TFDP2: variants seen among roughly 807,000 people sequenced by gnomAD.
TFDP2 encodes the protein transcription factor Dp-2 (E2F dimerization partner 2).
In TFDP2, 17 loss-of-function variants were observed where a neutral mutation model predicts 59.3. That is an observed-to-expected ratio of 0.29 (90% confidence interval 0.20 to 0.43). The LOEUF is 0.43. Among genes scored for constraint, TFDP2 ranks in the 20% least tolerant of loss-of-function variants. The pLI is 1.00. For synonymous variants in TFDP2, 180 were observed against 194.7 expected, an observed-to-expected ratio of 0.92 and a Z score of 0.63; for missense variants, 391 against 528.8, an observed-to-expected ratio of 0.74 and a Z score of 2.56.
intron 3 of TFDP2, among the ~76,000 whole-genome samples, chr3:142,071,859 G>C (rs936728186): frequency 6.6e-6 from 1 of 152,216 alleles, no homozygotes; most frequent in Non-Finnish European, 1.5e-5. Flanking sequence ...GACAGACTGA[G>C]TCTGAGGTGC....
chr3:141,961,638 C>G (rs1400602305), intron 10 of TFDP2, among the ~76,000 whole-genome samples: 1 of 152,094 alleles, frequency 6.6e-6, no homozygotes, highest in African/African-American at 2.4e-5. Context: ...AGATATCTAC[C>G]ACTTACTGAC....
At chr3:142,060,019 T>C (rs1200736082) in intron 3 of TFDP2, among the ~76,000 whole-genome samples, 1 of 152,228 alleles carries the variant, frequency 6.6e-6, no homozygotes, top group Admixed American at 6.5e-5. Flanking sequence ...TCTTAAATAA[T>C]ATAAAGATAA....
chr3:142,066,341 C>T (rs920663683), intron 3 of TFDP2, among the ~76,000 whole-genome samples: 7 of 152,130 alleles, frequency 4.6e-5, no homozygotes, highest in African/African-American at 1.4e-4. Flanking sequence ...TCCTGATAAA[C>T]CCATTGTAAG....
At chr3:141,994,731 T>C (rs1320810437) in intron 5 of TFDP2, 1 of 211,550 alleles carries the variant, frequency 4.7e-6, no homozygotes, top group African/African-American at 2.3e-5. Context: ...ATAGTTTTTA[T>C]ATCTCCAAAG....
rs185614776 is a variant in TFDP2, at chr3:142,003,239, T to C, written c.186+2202A>G. On this transcript the variant is annotated intron_variant, in intron 4 of 12. Transcript: ENST00000489671. ...TGGTCTCGATCTCCTGACCTCGTGA[T>C]CCACCCACCTTGGCCTCCCAAAGTG... Among the ~76,000 whole-genome samples, 749 of 152,220 alleles carry C rather than the reference T, an allele frequency of 4.9e-3. 6 individuals carry two copies. Among genetic ancestry groups the C allele is most frequent in the Non-Finnish European group, 5.2e-3 (355 of 68,010 alleles).
At chr3:141,992,960 A>G (rs2108179379) in intron 6 of TFDP2, among the ~76,000 whole-genome samples, 1 of 152,350 alleles carries the variant, frequency 6.6e-6, no homozygotes, top group Non-Finnish European at 1.5e-5. Context: ...CTGTCCTAAT[A>G]TTCTAAGATA....
rs10707832 is a variant in TFDP2, at chr3:142,047,736, C to CT, written c.83-42193dup. Among the ~76,000 whole-genome samples the CT allele has an allele frequency of 9.1e-3, 1,022 of 112,436 alleles. 22 individuals are homozygous for CT. Among genetic ancestry groups the CT allele is most frequent in the African/African-American group, 0.026 (839 of 32,346 alleles). The allele number at this position is 112,436 out of a possible 152,430, so 73.8% of individuals were successfully genotyped here. On this transcript the variant is annotated intron_variant, in intron 3 of 12. Coordinates refer to ENST00000489671, the MANE Select transcript of TFDP2 (RefSeq NM_001178139.2). Reference sequence around the variant, plus strand: ...ACTTGCAAATTAGTGAACTAATATGCTTTTTTTTTTTTTTTTTTGAGATGG... The same window carrying CT: ...ACTTGCAAATTAGTGAACTAATATGCTTTTTTTTTTTTTTTTTTTGAGATGG...
intron 4 of TFDP2, among the ~76,000 whole-genome samples, chr3:142,000,538 C>T (rs11706480): frequency 0.33 from 50,096 of 152,012 alleles, 8,524 homozygotes; most frequent in African/African-American, 0.43. Flanking sequence ...ACCACAGCAT[C>T]CAGTTCCTGG....
Position 141,993,723 on chromosome 3 carries a change from T to C in TFDP2, c.309-138A>G, listed in dbSNP as rs530815593. On this transcript the variant is annotated intron_variant, in intron 5 of 12. Coordinates refer to ENST00000489671, the MANE Select transcript of TFDP2 (RefSeq NM_001178139.2). Reference sequence around the variant, plus strand: ...AAAACTAGCAAATACAAAAGATAGGTACATAAAATAAATCTTAATTTTATC... The same window carrying C: ...AAAACTAGCAAATACAAAAGATAGGCACATAAAATAAATCTTAATTTTATC... 5 of 472,096 alleles carry C rather than the reference T, an allele frequency of 1.1e-5. No individual in the cohort carries two copies. In the South Asian group the frequency reaches 1.3e-4, roughly 12 times the overall value. 29.2% of individuals were successfully genotyped at this position (472,096 alleles called of 1,614,324 possible). A position where few individuals can be genotyped will look rare whatever the true frequency, so the allele number is the denominator to read the frequency against.
chr3:142,066,766 G>A (rs929221428), intron 3 of TFDP2, among the ~76,000 whole-genome samples: 2 of 152,006 alleles, frequency 1.3e-5, no homozygotes, highest in African/African-American at 4.8e-5. Flanking sequence ...TACAAAACAG[G>A]ATCTAATCAC....
chr3:142,082,644 T>C (rs1427138637), intron 3 of TFDP2, among the ~76,000 whole-genome samples: 1 of 152,126 alleles, frequency 6.6e-6, no homozygotes, highest in Non-Finnish European at 1.5e-5. Context: ...TAAACCGTAT[T>C]CAACAACACA....
At chr3:142,094,335 A>C (rs2061095635) in intron 2 of TFDP2, among the ~76,000 whole-genome samples, 1 of 140,590 alleles carries the variant, frequency 7.1e-6, no homozygotes, top group African/African-American at 2.6e-5. Context: ...ATGGCGTTTC[A>C]CTCTTGTGGC....
intron 1 of TFDP2, 45 bp from the exon 2 acceptor site, chr3:142,101,886 A>T: frequency 2.1e-6 from 1 of 473,454 alleles, no homozygotes; most frequent in African/African-American, 1.9e-5. Context: ...TAATAATAAT[A>T]GGCAACATTT....
At chr3:142,133,587 T>C (rs995612822) in intron 1 of TFDP2, among the ~76,000 whole-genome samples, 1 of 151,166 alleles carries the variant, frequency 6.6e-6, no homozygotes, top group Non-Finnish European at 1.5e-5. Context: ...AGCCTCCGCC[T>C]CCCAGGTTCA....
At chr3:142,093,805 T>C (rs2061077045) in intron 2 of TFDP2, 1 of 236,062 alleles carries the variant, frequency 4.2e-6, no homozygotes. Flanking sequence ...GGGTTTGGCC[T>C]TGGTCAAGTC....
At chr3:142,142,656 A>G (rs2063000185) in intron 1 of TFDP2, among the ~76,000 whole-genome samples, 1 of 152,216 alleles carries the variant, frequency 6.6e-6, no homozygotes. Flanking sequence ...AGCTATCTTG[A>G]GCAAAAAGAA....
rs1415982671 is a variant in TFDP2, at chr3:141,978,546, A to T, written c.493T>A (p.Ser165Thr). The T allele has an allele frequency of 6.8e-6, 11 of 1,610,068 alleles. No individual in the cohort carries two copies. The highest frequency in any genetic ancestry group is 9.3e-6 in the Non-Finnish European group (11 of 1,178,972). ...GAATCAGCAGCCAAATGGTTATTTG[A>T]ATTGGTGAACTCTGACACCAGCTCA... ...ADELVSEFTNSNNHLAADSAY... is the reference protein window; with the variant it reads ...ADELVSEFTNTNNHLAADSAY... The change falls in exon 7 of 13, where the codon TCA (serine) becomes ACA (threonine). Residue 165 changes from serine (S) to threonine (T), a missense_variant. Ser to Thr is a moderately conservative substitution (Grantham distance 58). Coordinates refer to ENST00000489671, the MANE Select transcript of TFDP2 (RefSeq NM_001178139.2).
At chr3:142,145,977 G>T (rs1024617183) in intron 1 of TFDP2, among the ~76,000 whole-genome samples, 1 of 152,056 alleles carries the variant, frequency 6.6e-6, no homozygotes, top group African/African-American at 2.4e-5. Flanking sequence ...CTGAACCAAA[G>T]AATTAATAAT....
chr3:142,147,891 A>G (rs1418615563), intron 1 of TFDP2, among the ~76,000 whole-genome samples: 1 of 152,232 alleles, frequency 6.6e-6, no homozygotes, highest in Non-Finnish European at 1.5e-5. Context: ...CAGTAATCTG[A>G]TAGTGATAAA....
Sources: gnomAD v4.1 joint callset for allele counts (sites outside exome capture counted in the v4.1 genomes callset) on GRCh38, gnomAD v4.1.1 for gene constraint, MANE v1.5 for transcripts, NCBI Gene and HGNC (gene_info 2026-07-23, HGNC 2026-07-21) for gene names.